Variants in CACHD1 observed in about 807,000 individuals in gnomAD.
The protein encoded by CACHD1 is cache domain containing 1.
A neutral mutation model predicts 138.7 loss-of-function variants in CACHD1; 71 were observed. The ratio of observed to expected loss-of-function variants is 0.51; its 90% CI spans 0.42 to 0.62. The LOEUF (loss-of-function observed/expected upper bound fraction) is 0.62. CACHD1 is among the 20% of genes least tolerant of loss of function. CACHD1 has a pLI of 0.00. For missense variants in CACHD1, 1,389 were observed against 1,625.3 expected, an observed-to-expected ratio of 0.85 and a Z score of 2.50; for synonymous variants, 578 against 591.5, an observed-to-expected ratio of 0.98 and a Z score of 0.33.
intron 2 of CACHD1, among the ~76,000 whole-genome samples, chr1:64,564,500 T>C (rs1646865835): frequency 6.6e-6 from 1 of 152,208 alleles, no homozygotes; most frequent in Non-Finnish European, 1.5e-5. Flanking sequence ...CTGTGCATAC[T>C]TATGTAATTA....
chr1:64,673,826 G>T, intron 19 of CACHD1, among the ~76,000 whole-genome samples: 1 of 152,184 alleles, frequency 6.6e-6, no homozygotes, highest in Middle Eastern at 3.4e-3. Flanking sequence ...GAGATCACTC[G>T]GGCTCCTTAA....
intron 4 of CACHD1, chr1:64,613,464 A>G (rs1647600596): frequency 6.6e-6 from 1 of 152,112 alleles, no homozygotes; most frequent in Non-Finnish European, 1.5e-5. Flanking sequence ...GACTCACTTT[A>G]TTGCCTTACT....
intron 1 of CACHD1, among the ~76,000 whole-genome samples, chr1:64,498,967 T>C (rs1326903105): frequency 6.6e-6 from 1 of 152,220 alleles, no homozygotes; most frequent in Non-Finnish European, 1.5e-5. Context: ...TAGCCAGTCT[T>C]CCTAGATTTA....
chr1:64,628,350 A>G (rs915423646), intron 4 of CACHD1, among the ~76,000 whole-genome samples: 1 of 152,172 alleles, frequency 6.6e-6, no homozygotes, highest in African/African-American at 2.4e-5. Context: ...TTATTACAAT[A>G]GGGCTTGTTT....
At chr1:64,498,732 T>A (rs1646320820) in intron 1 of CACHD1, among the ~76,000 whole-genome samples, 1 of 152,244 alleles carries the variant, frequency 6.6e-6, no homozygotes, top group Non-Finnish European at 1.5e-5. Flanking sequence ...TGATCTCTTG[T>A]CTCTCTATCA....
chr1:64,488,640 C>A (rs1213730110), intron 1 of CACHD1, among the ~76,000 whole-genome samples: 1 of 152,152 alleles, frequency 6.6e-6, no homozygotes. Flanking sequence ...CACTGGTTCT[C>A]TTAGTTACAA....
intron 9 of CACHD1, among the ~76,000 whole-genome samples, chr1:64,650,649 A>G (rs10493362): frequency 0.22 from 34,020 of 152,074 alleles, 6,335 homozygotes; most frequent in East Asian, 0.63. Context: ...ATAGCAACTC[A>G]ATAATACCTC....
intron 4 of CACHD1, among the ~76,000 whole-genome samples, chr1:64,614,699 T>C (rs1223306825): frequency 3.9e-5 from 6 of 152,236 alleles, no homozygotes; most frequent in Admixed American, 2.6e-4. Flanking sequence ...TACACTGACT[T>C]GTGACATAGG....
intron 1 of CACHD1, among the ~76,000 whole-genome samples, chr1:64,544,444 C>A (rs1453527228): frequency 6.6e-6 from 1 of 152,056 alleles, no homozygotes; most frequent in Non-Finnish European, 1.5e-5. Context: ...AAGTGGAATT[C>A]TCTTGCTATC....
intron 5 of CACHD1, among the ~76,000 whole-genome samples, chr1:64,631,780 A>G (rs181250439): frequency 2.6e-5 from 4 of 152,158 alleles, no homozygotes; most frequent in East Asian, 1.9e-4. Flanking sequence ...CTTTTTTTCA[A>G]TGTTGGCAAA....
chr1:64,654,878 CA>C (rs1030460808), intron 12 of CACHD1, 75 bp downstream of exon 12: 9 of 1,067,096 alleles, frequency 8.4e-6, no homozygotes, highest in East Asian at 7.2e-5. Flanking sequence ...AATTCTCAGC[CA>C]GGGGGTGGCA....
chr1:64,681,569 T>G (rs1650193080), intron 25 of CACHD1, among the ~76,000 whole-genome samples: 1 of 149,252 alleles, frequency 6.7e-6, no homozygotes, highest in Non-Finnish European at 1.5e-5. Context: ...TTTTTTGCAT[T>G]AAGTGTGTTG....
chr1:64,477,931 G>GC (rs1004979793), intron 1 of CACHD1, among the ~76,000 whole-genome samples: 5 of 151,594 alleles, frequency 3.3e-5, no homozygotes, highest in South Asian at 2.1e-4. Flanking sequence ...ACCGCGCCCG[G>GC]CCCCCCCAGA....
intron 1 of CACHD1, among the ~76,000 whole-genome samples, chr1:64,498,929 A>T (rs566776361): frequency 7.2e-5 from 11 of 152,332 alleles, no homozygotes; most frequent in African/African-American, 2.6e-4. Context: ...AACCATCTAA[A>T]ACAGTATTAA....
At chr1:64,561,628 GGATCGCTTGAGCCCAGGA>G (rs1393006782) in intron 2 of CACHD1, among the ~76,000 whole-genome samples, 3 of 152,008 alleles carry the variant, frequency 2.0e-5, no homozygotes, top group South Asian at 4.2e-4. Context: ...TGAGATGGGA[GGATCGCTTGAGCCCAGGA>G]GTTCAAGACC....
In CACHD1 at chr1:64,647,915, T is replaced by A. The variant is rs1243669918; in HGVS notation, c.1271T>A (p.Met424Lys). The A allele has an allele frequency of 1.9e-6, 3 of 1,614,040 alleles. No individual in the cohort carries two copies. Among genetic ancestry groups the A allele is most frequent in the Non-Finnish European group, 1.7e-6 (2 of 1,180,000 alleles). ...MALPVIKGSMMVLNQLSNLET... is the reference protein window; with the variant it reads ...MALPVIKGSMKVLNQLSNLET... ...TTGCCTGTGATTAAGGGCAGCATGA[T>A]GGTGCTGAATCAGTTGAGCAACCTG... The change falls in exon 9 of 27, where the codon ATG becomes AAG. Residue 424 changes from methionine (M) to lysine (K), a missense_variant. Physicochemically the swap from Met to Lys is moderately conservative, Grantham distance 95 (BLOSUM62 -1). This residue lies in a region of CACHD1 where 1,000 missense variants were observed against 1,114.7 expected (regional missense o/e 0.90). Coordinates refer to ENST00000651257, the MANE Select transcript of CACHD1 (RefSeq NM_020925.4).
At position 64,663,766 on chromosome 1, in the gene CACHD1, A is replaced by G; in HGVS notation, c.2023A>G (p.Lys675Glu). Residue 675 changes from lysine (K) to glutamate (E), a missense_variant, in exon 14 of 27, where the codon AAG becomes GAG. By Grantham distance (56) the Lys-to-Glu change is moderately conservative. Transcript: ENST00000651257. ...TGAGCACCTCAGCCAGCCAGAGACA[A>G]AGCGCATGGTAGAGCACTACACCGC... ...PYEHLSQPET[K>E]RMVEHYTAYL... The G allele has an allele frequency of 6.2e-7, 1 of 1,614,064 alleles. No individual in the cohort carries two copies. Among genetic ancestry groups the G allele is most frequent in the South Asian group, 1.1e-5 (1 of 91,074 alleles).
chr1:64,558,901 A>G (rs1031134356), intron 2 of CACHD1, among the ~76,000 whole-genome samples: 1 of 152,226 alleles, frequency 6.6e-6, no homozygotes, highest in Non-Finnish European at 1.5e-5. Flanking sequence ...GAAAAGCTCA[A>G]TATCACTGAT....
In CACHD1 at chr1:64,556,257, T is replaced by C. The variant is rs115897056; in HGVS notation, c.261+5601T>C. Among the ~76,000 whole-genome samples, 1,103 of 152,318 alleles carry C rather than the reference T, an allele frequency of 7.2e-3. 11 individuals are homozygous for C. Among genetic ancestry groups the C allele is most frequent in the African/African-American group, 0.026 (1,066 of 41,574 alleles). Reference sequence around the variant, plus strand: ...AACAGCAATTCACCAGTTTCCCCACTTCTTAATAGTTATAAGAACAATTGT... The same window carrying C: ...AACAGCAATTCACCAGTTTCCCCACCTCTTAATAGTTATAAGAACAATTGT... On this transcript the variant is annotated intron_variant, in intron 2 of 26. Transcript: ENST00000651257.
Sources: gnomAD v4.1 joint callset for allele counts (sites outside exome capture counted in the v4.1 genomes callset) on GRCh38, gnomAD v4.1.1 for gene constraint, gnomAD v4.1.1 regional missense constraint, MANE v1.5 for transcripts, NCBI Gene and HGNC (gene_info 2026-07-23, HGNC 2026-07-21) for gene names.